Variants in MCTP1 observed in about 807,000 individuals in gnomAD.
MCTP1 encodes the protein multiple C2 and transmembrane domain containing 1, also known as multiple C2 and transmembrane domain-containing protein 1.
In MCTP1, 69 loss-of-function variants were observed where a neutral mutation model predicts 120.6. The observed-to-expected ratio is 0.57, with a 90% CI of 0.47 to 0.70. The LOEUF (loss-of-function observed/expected upper bound fraction) is 0.70, where lower values mean the gene tolerates loss of function less well. Among genes scored for constraint, MCTP1 ranks in the 30% least tolerant of loss-of-function variants. The probability of loss-of-function intolerance (pLI) is 0.00; values close to 1 mark genes in which losing one functional copy is unlikely to be tolerated. For synonymous variants in MCTP1, 529 were observed against 493.1 expected (o/e 1.07, Z -0.96); for missense variants, 1,203 against 1,248.8 (o/e 0.96, Z 0.55).
chr5:95,223,905 C>T (rs1753965582), intron 1 of MCTP1, among the ~76,000 whole-genome samples: 1 of 152,150 alleles, frequency 6.6e-6, no homozygotes, highest in African/African-American at 2.4e-5. Context: ...TTAAGAAGGT[C>T]ATACCAAACA....
chr5:94,969,397 T>C (rs1826291972), intron 2 of MCTP1, among the ~76,000 whole-genome samples: 1 of 152,182 alleles, frequency 6.6e-6, no homozygotes, highest in Non-Finnish European at 1.5e-5. Context: ...AATAGCTGTC[T>C]ATTAATGATA....
chr5:94,850,866 G>A (rs543213775), intron 17 of MCTP1, among the ~76,000 whole-genome samples: 10 of 152,154 alleles, frequency 6.6e-5, no homozygotes, highest in South Asian at 2.1e-4. Flanking sequence ...ATTAGTTTCC[G>A]TGGTTTGAAC....
intron 17 of MCTP1, among the ~76,000 whole-genome samples, chr5:94,815,741 A>G (rs955277965): frequency 2.6e-5 from 4 of 152,196 alleles, no homozygotes; most frequent in Admixed American, 2.6e-4. Context: ...AGTCTTGAGG[A>G]GGCATACAAT....
intron 17 of MCTP1, among the ~76,000 whole-genome samples, chr5:94,805,607 A>G (rs1192978906): frequency 2.0e-5 from 3 of 152,146 alleles, no homozygotes; most frequent in Non-Finnish European, 4.4e-5. Flanking sequence ...CAGCTTGGGC[A>G]ACAGAGCAAG....
At chr5:94,712,838 C>T (rs1254279324) in intron 20 of MCTP1, among the ~76,000 whole-genome samples, 1 of 151,928 alleles carries the variant, frequency 6.6e-6, no homozygotes, top group African/African-American at 2.4e-5. Flanking sequence ...AGTCATCCAT[C>T]ACACGACTCC....
chr5:94,740,435 C>T (rs1561554101), intron 19 of MCTP1, among the ~76,000 whole-genome samples: 2 of 152,032 alleles, frequency 1.3e-5, no homozygotes, highest in Admixed American at 6.6e-5. Context: ...GTATTAAAGT[C>T]GAGTTTAAGC....
chr5:95,255,838 A>G (rs2152706877), intron 1 of MCTP1, among the ~76,000 whole-genome samples: 1 of 152,306 alleles, frequency 6.6e-6, no homozygotes, highest in African/African-American at 2.4e-5. Context: ...AGAACTTCTC[A>G]GGGATTCTTC....
At chr5:94,808,516 C>G (rs1158395181) in intron 17 of MCTP1, among the ~76,000 whole-genome samples, 2 of 152,084 alleles carry the variant, frequency 1.3e-5, no homozygotes, top group African/African-American at 2.4e-5. Context: ...CTCAAAAGAG[C>G]CTCATGTACA....
At chr5:94,989,694 C>A (rs2153613000) in intron 2 of MCTP1, among the ~76,000 whole-genome samples, 1 of 152,224 alleles carries the variant, frequency 6.6e-6, no homozygotes, top group South Asian at 2.1e-4. Flanking sequence ...CTAGAGGAAC[C>A]AAACAGGTGA....
intron 12 of MCTP1, among the ~76,000 whole-genome samples, chr5:94,882,237 G>C (rs1459406967): frequency 6.6e-6 from 1 of 152,152 alleles, no homozygotes; most frequent in Non-Finnish European, 1.5e-5. Context: ...TAAGGAAGCA[G>C]TCAATTACCT....
rs975274758 is a variant in MCTP1 at position 94,735,287 on chromosome 5, C to CA, written c.2611-20402dup. Among the ~76,000 whole-genome samples the CA allele has an allele frequency of 1.3e-4, 20 of 152,190 alleles. No homozygotes were observed. The South Asian group carries it at 1.7e-3, about 13-fold the overall frequency. Reference sequence around the variant, plus strand: ...AGTTGCTGTGGGGGCTCCATAGTGTCACTTTTTACACTTTTAACCACATTA... The same window carrying CA: ...AGTTGCTGTGGGGGCTCCATAGTGTCAACTTTTTACACTTTTAACCACATTA... On this transcript the variant is annotated intron_variant, in intron 19 of 22. Transcript: ENST00000515393.
intron 19 of MCTP1, among the ~76,000 whole-genome samples, chr5:94,763,249 A>G (rs1771752248): frequency 6.6e-6 from 1 of 152,180 alleles, no homozygotes; most frequent in Non-Finnish European, 1.5e-5. Flanking sequence ...ACATTTCATC[A>G]TAACAATTCT....
In MCTP1 at chr5:95,073,290, C is replaced by T. The variant is rs1752717808; in HGVS notation, c.721-55806G>A. Among the ~76,000 whole-genome samples the T allele has an allele frequency of 2.0e-5, 3 of 152,142 alleles. No individual in the cohort carries two copies. The South Asian group carries it at 6.2e-4, about 32-fold the overall frequency. On this transcript the variant is annotated intron_variant, in intron 1 of 22. Coordinates refer to ENST00000515393, the MANE Select transcript of MCTP1 (RefSeq NM_024717.7). ...CTTTGGTTAGCAGAATCTCAGCTTC[C>T]TCACCTCATTAGATTTCTCTCATCC...
intron 2 of MCTP1, among the ~76,000 whole-genome samples, chr5:94,956,493 C>T (rs1262937459): frequency 1.3e-5 from 2 of 151,976 alleles, no homozygotes; most frequent in Non-Finnish European, 2.9e-5. Flanking sequence ...ATGTGGTAAC[C>T]CAATGCAAGG....
intron 1 of MCTP1, among the ~76,000 whole-genome samples, chr5:95,186,260 C>A (rs1749195265): frequency 7.0e-6 from 1 of 141,876 alleles, no homozygotes; most frequent in South Asian, 2.2e-4. Context: ...AAGGAATCTA[C>A]CAAAAAAAAA....
chr5:94,765,987 G>A (rs1327572750), intron 19 of MCTP1, among the ~76,000 whole-genome samples: 1 of 152,164 alleles, frequency 6.6e-6, no homozygotes, highest in African/African-American at 2.4e-5. Context: ...GCTCACGCTT[G>A]TAATCCCAGC....
intron 1 of MCTP1, among the ~76,000 whole-genome samples, chr5:95,222,224 C>G (rs1182812070): frequency 6.6e-6 from 1 of 152,210 alleles, no homozygotes; most frequent in African/African-American, 2.4e-5. Context: ...GCCTTCTTCT[C>G]TCCACACTGC....
chr5:95,204,196 AC>A (rs1751375928), intron 1 of MCTP1, among the ~76,000 whole-genome samples: 1 of 152,204 alleles, frequency 6.6e-6, no homozygotes, highest in South Asian at 2.1e-4. Context: ...ACAACTTATA[AC>A]CCTACAAGTC....
At chr5:94,730,644 A>G (rs1360514124) in intron 19 of MCTP1, among the ~76,000 whole-genome samples, 2 of 152,220 alleles carry the variant, frequency 1.3e-5, no homozygotes, top group Non-Finnish European at 2.9e-5. Flanking sequence ...AGCAAGAAAC[A>G]GTAACACAGA....
Sources: allele counts gnomAD v4.1 joint callset (sites outside exome capture counted in the v4.1 genomes callset), GRCh38; gene constraint gnomAD v4.1.1; transcripts MANE v1.5; gene names NCBI Gene and HGNC (gene_info 2026-07-23, HGNC 2026-07-21).